The following SGCZ variants were observed in gnomAD, a reference collection of about 807,000 sequenced individuals.
SGCZ encodes zeta-sarcoglycan.
SGCZ carries 40 observed loss-of-function variants against 41.3 expected under a neutral mutation model. That is an observed-to-expected ratio of 0.97 (90% confidence interval 0.75 to 1.26). The LOEUF is 1.26. SGCZ is among the 50% of genes most tolerant of loss of function. SGCZ has a pLI of 0.00. For synonymous variants in SGCZ, 206 were observed against 137.5 expected (o/e 1.50, Z -3.49); for missense variants, 552 against 369.8 (o/e 1.49, Z -4.04).
At chr8:14,770,182 G>C (rs1226425114) in intron 1 of SGCZ, among the ~76,000 whole-genome samples, 2 of 150,480 alleles carry the variant, frequency 1.3e-5, no homozygotes, top group African/African-American at 4.9e-5. Context: ...AATTGTTTTT[G>C]AGATATTCAT....
intron 1 of SGCZ, among the ~76,000 whole-genome samples, chr8:14,952,073 T>G (rs1232613683): frequency 6.6e-6 from 1 of 152,080 alleles, no homozygotes; most frequent in Non-Finnish European, 1.5e-5. Context: ...TTTCTCAACA[T>G]TAAGATTTCA....
At chr8:14,843,266 C>A (rs190827443) in intron 1 of SGCZ, among the ~76,000 whole-genome samples, 1 of 152,068 alleles carries the variant, frequency 6.6e-6, no homozygotes, top group East Asian at 1.9e-4. Flanking sequence ...TTATTTGCAA[C>A]AAGGACAGGA....
intron 1 of SGCZ, among the ~76,000 whole-genome samples, chr8:14,721,523 G>C (rs1024964983): frequency 6.6e-6 from 1 of 151,996 alleles, no homozygotes; most frequent in African/African-American, 2.4e-5. Context: ...ATTTCACATC[G>C]GCCCATCAAT....
chr8:14,916,931 C>T (rs1203125212), intron 1 of SGCZ, among the ~76,000 whole-genome samples: 2 of 152,016 alleles, frequency 1.3e-5, no homozygotes, highest in Non-Finnish European at 2.9e-5. Flanking sequence ...TATTGTTACT[C>T]AGCGTCAGAG....
At chr8:14,678,897 A>C (rs1209652878) in intron 1 of SGCZ, among the ~76,000 whole-genome samples, 1 of 152,218 alleles carries the variant, frequency 6.6e-6, no homozygotes, top group African/African-American at 2.4e-5. Context: ...AGAAAACTTA[A>C]GTGCATATTA....
In SGCZ at chr8:14,698,641, A is replaced by G. The variant is rs897962271; in HGVS notation, c.40-143715T>C. Reference sequence around the variant, plus strand: ...TTTAGCATATGTGTGGGGGGGTATAATCATGACATATTATATCCTAATCTC... The same window carrying G: ...TTTAGCATATGTGTGGGGGGGTATAGTCATGACATATTATATCCTAATCTC... On this transcript the variant is annotated intron_variant, in intron 1 of 7. Coordinates refer to ENST00000382080, the MANE Select transcript of SGCZ (RefSeq NM_139167.4). Among the ~76,000 whole-genome samples the G allele has an allele frequency of 2.6e-5, 4 of 152,084 alleles. No homozygotes were observed. The East Asian group carries it at 7.7e-4, about 29-fold the overall frequency.
intron 5 of SGCZ, among the ~76,000 whole-genome samples, chr8:14,129,352 A>AAAC (rs1353430974): frequency 7.2e-6 from 1 of 139,122 alleles, no homozygotes; most frequent in Non-Finnish European, 1.5e-5. Flanking sequence ...TCTCAAAAAA[A>AAAC]AAAAAAAAAA....
At chr8:14,091,025 C>G (rs1801673847) in intron 7 of SGCZ, among the ~76,000 whole-genome samples, 1 of 151,920 alleles carries the variant, frequency 6.6e-6, no homozygotes, top group Non-Finnish European at 1.5e-5. Flanking sequence ...TGTGATGTTC[C>G]CTGCCCTGTG....
intron 1 of SGCZ, among the ~76,000 whole-genome samples, chr8:15,133,091 C>A (rs1482652825): frequency 6.6e-6 from 1 of 152,052 alleles, no homozygotes; most frequent in African/African-American, 2.4e-5. Context: ...TGCAGTGAGT[C>A]AAGATCATAC....
intron 2 of SGCZ, among the ~76,000 whole-genome samples, chr8:14,467,068 A>T (rs1245110315): frequency 1.3e-5 from 2 of 151,322 alleles, no homozygotes; most frequent in African/African-American, 4.9e-5. Context: ...TTGCTTATTT[A>T]TTTATTTATT....
chr8:14,568,112 T>C (rs1804435430), intron 1 of SGCZ, among the ~76,000 whole-genome samples: 1 of 152,012 alleles, frequency 6.6e-6, no homozygotes, highest in African/African-American at 2.4e-5. Context: ...GAAACCATCA[T>C]CCTCAGCAAA....
chr8:14,375,237 A>T (rs1465229165), intron 2 of SGCZ, among the ~76,000 whole-genome samples: 1 of 152,234 alleles, frequency 6.6e-6, no homozygotes, highest in East Asian at 1.9e-4. Flanking sequence ...GAGATATAAC[A>T]GTTGTGCACT....
intron 4 of SGCZ, among the ~76,000 whole-genome samples, chr8:14,224,245 C>T (rs1488801869): frequency 6.6e-6 from 1 of 152,172 alleles, no homozygotes; most frequent in African/African-American, 2.4e-5. Flanking sequence ...TTAATCATTA[C>T]ACTAGTACAT....
intron 7 of SGCZ, among the ~76,000 whole-genome samples, chr8:14,099,659 A>AGGTT: frequency 2.0e-5 from 3 of 152,260 alleles, no homozygotes; most frequent in Admixed American, 2.0e-4. Flanking sequence ...CAGGGGGTGG[A>AGGTT]GGTTGCAGTG....
chr8:15,217,290 G>A (rs866600140), intron 1 of SGCZ, among the ~76,000 whole-genome samples: 2 of 151,448 alleles, frequency 1.3e-5, no homozygotes, highest in Non-Finnish European at 2.9e-5. Context: ...GTTGGCGGGC[G>A]CCTGTAGTCC....
intron 1 of SGCZ, among the ~76,000 whole-genome samples, chr8:15,083,329 C>T (rs1805824706): frequency 6.6e-6 from 1 of 152,018 alleles, no homozygotes; most frequent in Non-Finnish European, 1.5e-5. Context: ...ATCATCTCTC[C>T]TTAGAATAAC....
intron 5 of SGCZ, among the ~76,000 whole-genome samples, chr8:14,164,265 AATT>A (rs1054953207): frequency 3.3e-5 from 5 of 151,924 alleles, no homozygotes; most frequent in Non-Finnish European, 1.5e-5. Context: ...AATACTCCCA[AATT>A]ATTATTTGTT....
At chr8:14,715,189 T>A (rs943838511) in intron 1 of SGCZ, among the ~76,000 whole-genome samples, 3 of 152,174 alleles carry the variant, frequency 2.0e-5, no homozygotes, top group Admixed American at 1.3e-4. Flanking sequence ...GAGCTTTTGG[T>A]TGAGAGTGAA....
chr8:14,967,295 G>A (rs1801153650), intron 1 of SGCZ, among the ~76,000 whole-genome samples: 2 of 152,130 alleles, frequency 1.3e-5, no homozygotes, highest in Admixed American at 1.3e-4. Context: ...CCAGTTTCAA[G>A]TGCAAAGGGA....
Sources: gnomAD v4.1 joint callset for allele counts (sites outside exome capture counted in the v4.1 genomes callset) on GRCh38, gnomAD v4.1.1 for gene constraint, MANE v1.5 for transcripts, NCBI Gene and HGNC (gene_info 2026-07-23, HGNC 2026-07-21) for gene names.